Variants in EIF2AK2 observed in about 807,000 individuals in gnomAD.
EIF2AK2 encodes eukaryotic translation initiation factor 2 alpha kinase 2.
Under a neutral mutation model 70.5 loss-of-function variants are expected in EIF2AK2, and 40 were observed. The ratio of observed to expected loss-of-function variants is 0.57; its 90% CI spans 0.44 to 0.74. The LOEUF (loss-of-function observed/expected upper bound fraction) is 0.74, where lower values mean the gene tolerates loss of function less well. Ranked by LOEUF, EIF2AK2 falls within the 30% of genes least tolerant of loss-of-function variation. The pLI, the probability that EIF2AK2 is intolerant of heterozygous loss-of-function variation, is 0.00. For synonymous variants in EIF2AK2, 198 were observed against 220.9 expected (o/e 0.90, Z 0.92); for missense variants, 555 against 644.3 (o/e 0.86, Z 1.50).
In EIF2AK2 at chr2:37,106,510, A is replaced by G. The variant is rs1435628499; in HGVS notation, c.*763T>C. The G allele has an allele frequency of 2.6e-5, 4 of 151,390 alleles. No homozygotes were observed. Among genetic ancestry groups the G allele is most frequent in the East Asian group, 1.9e-4 (1 of 5,158 alleles). The allele number at this position is 151,390 out of a possible 1,614,324, so 9.4% of individuals were successfully genotyped here. A position where few individuals can be genotyped will look rare whatever the true frequency, so the allele number is the denominator to read the frequency against. On this transcript the variant is annotated 3_prime_UTR_variant, in exon 17 of 17. Transcript: ENST00000233057. ...ATAGAATTGATAGCTATGTGGGTAT[A>G]CATGGATTCAACTTTACTAGATAAT...
chr2:37,104,233 ATTG>A lies in EIF2AK2; in HGVS notation c.*3037_*3039del, dbSNP rs1447632970. 3 of 152,060 alleles carry A rather than the reference ATTG, an allele frequency of 2.0e-5. No individual in the cohort carries two copies. The highest frequency in any genetic ancestry group is 7.2e-5 in the African/African-American group (3 of 41,406). The allele number at this position is 152,060 out of a possible 1,614,324, so 9.4% of individuals were successfully genotyped here. ...ACACCTGAGAAAACAGTTATTTGGC[ATTG>A]TTATCTAATATGCAGTCTATATTCA... is the stretch of plus-strand genomic sequence containing the variant. On this transcript the variant is annotated 3_prime_UTR_variant, in exon 17 of 17. Transcript: ENST00000233057.
chr2:37,109,019 A>C (rs1674057070), intron 15 of EIF2AK2, among the ~76,000 whole-genome samples, 175 bp downstream of exon 15: 1 of 152,180 alleles, frequency 6.6e-6, no homozygotes, highest in Non-Finnish European at 1.5e-5. Context: ...GTCTTTAAGA[A>C]AGTGTTTGGT....
At chr2:37,116,586 C>G (rs1200107418) in intron 13 of EIF2AK2, among the ~76,000 whole-genome samples, 1 of 152,192 alleles carries the variant, frequency 6.6e-6, no homozygotes, top group Admixed American at 6.5e-5. Flanking sequence ...GAAGGAGGAG[C>G]TTCCGAGAAG....
chr2:37,128,689 A>G (rs1011342062), intron 10 of EIF2AK2, among the ~76,000 whole-genome samples: 1 of 152,224 alleles, frequency 6.6e-6, no homozygotes, highest in African/African-American at 2.4e-5. Context: ...GAGCATTACC[A>G]TCTTGGACAA....
At chr2:37,112,646 T>C (rs1213635297) in intron 14 of EIF2AK2, among the ~76,000 whole-genome samples, 1 of 152,158 alleles carries the variant, frequency 6.6e-6, no homozygotes, top group Non-Finnish European at 1.5e-5. Context: ...AATAGCATAA[T>C]ATTAAAGAGA....
intron 1 of EIF2AK2, among the ~76,000 whole-genome samples, chr2:37,155,821 G>A (rs1160722579): frequency 6.6e-6 from 1 of 151,808 alleles, no homozygotes; most frequent in Admixed American, 6.6e-5. Context: ...GGCACCTGTA[G>A]TCCCAGCTAC....
intron 2 of EIF2AK2, among the ~76,000 whole-genome samples, chr2:37,148,192 A>G (rs912026642): frequency 6.6e-6 from 1 of 152,044 alleles, no homozygotes; most frequent in Non-Finnish European, 1.5e-5. Context: ...AAGAAAAAAA[A>G]CTCAACTGGT....
At chr2:37,139,891 T>A (rs1445058957) in intron 5 of EIF2AK2, 134 bp from the exon 6 acceptor site, 1 of 952,364 alleles carries the variant, frequency 1.1e-6, no homozygotes, top group African/African-American at 1.7e-5. Flanking sequence ...ATAGTTCATA[T>A]CTTGCATAAT....
intron 2 of EIF2AK2, among the ~76,000 whole-genome samples, chr2:37,148,156 T>C (rs1202325767): frequency 6.6e-6 from 1 of 152,002 alleles, no homozygotes; most frequent in African/African-American, 2.4e-5. Context: ...CATCTCAATT[T>C]TGAAATTGTT....
At position 37,103,921 on chromosome 2, in the gene EIF2AK2, C is replaced by G. The variant is rs547057418; in HGVS notation, c.*3352G>C. On this transcript the variant is annotated 3_prime_UTR_variant, in exon 17 of 17. Transcript: ENST00000233057. ...TGGGAGGCCAAGGCAAGTGAATCAC[C>G]TGAGGTCAGGAGTTCAAAACCAGCT... 1 of 152,126 alleles carries G rather than the reference C, an allele frequency of 6.6e-6. No homozygotes were observed. Among genetic ancestry groups the G allele is most frequent in the Non-Finnish European group, 1.5e-5 (1 of 68,030 alleles). 9.4% of individuals were successfully genotyped at this position (152,126 alleles called of 1,614,324 possible).
rs1020678331 is a variant in EIF2AK2, at chr2:37,119,900, A to G, written c.1248+59T>C. ...AGCCACTGTGCCCAGCTGAGAAGAT[A>G]TATTTTAAAATTACTATATTATATA... is the stretch of plus-strand genomic sequence containing the variant. On this transcript the variant is annotated intron_variant, in intron 13 of 16. Coordinates refer to ENST00000233057, the MANE Select transcript of EIF2AK2 (RefSeq NM_001135651.3). 5.0e-6 allele frequency: 5 copies of G among 994,992 alleles called. No individual in the cohort carries two copies. In the East Asian group the frequency reaches 1.5e-4, roughly 30 times the overall value. The allele number at this position is 994,992 out of a possible 1,614,324, so 61.6% of individuals were successfully genotyped here. A position where few individuals can be genotyped will look rare whatever the true frequency, so the allele number is the denominator to read the frequency against.
At chr2:37,147,902 AGAGG>A (rs1181758565) in intron 2 of EIF2AK2, 80 bp from the exon 3 acceptor site, 8 of 975,364 alleles carry the variant, frequency 8.2e-6, no homozygotes, top group African/African-American at 1.6e-5. Context: ...TTTAGGAGAC[AGAGG>A]GGTTGGGGAG....
intron 14 of EIF2AK2, 50 bp from the exon 15 acceptor site, chr2:37,109,345 T>G (rs758811391): frequency 1.3e-6 from 2 of 1,538,724 alleles, no homozygotes; most frequent in East Asian, 4.5e-5. Context: ...TACATAAATA[T>G]CCAGCCTTCT....
At chr2:37,149,643 A>G (rs1426603428) in intron 1 of EIF2AK2, among the ~76,000 whole-genome samples, 1 of 152,150 alleles carries the variant, frequency 6.6e-6, no homozygotes, top group East Asian at 1.9e-4. Context: ...TGGTAAGGAA[A>G]CTGGTGTTGT....
At chr2:37,133,883 C>T (rs1268525312) in intron 10 of EIF2AK2, among the ~76,000 whole-genome samples, 1 of 152,126 alleles carries the variant, frequency 6.6e-6, no homozygotes, top group Admixed American at 6.5e-5. Flanking sequence ...TTTATTCCTA[C>T]CCAAACTTTT....
At chr2:37,126,739 C>G (rs1041733656) in intron 10 of EIF2AK2, among the ~76,000 whole-genome samples, 3 of 152,034 alleles carry the variant, frequency 2.0e-5, no homozygotes, top group African/African-American at 7.2e-5. Flanking sequence ...GGTGGATCAC[C>G]TGAAGTCAGG....
intron 8 of EIF2AK2, among the ~76,000 whole-genome samples, chr2:37,137,384 T>C (rs1675165087): frequency 6.6e-6 from 1 of 152,244 alleles, no homozygotes; most frequent in Admixed American, 6.5e-5. Context: ...TATAACAGAA[T>C]ACTCTTGTAA....
intron 5 of EIF2AK2, among the ~76,000 whole-genome samples, chr2:37,140,885 CTCTT>C (rs1675307565): frequency 3.0e-5 from 4 of 131,370 alleles, no homozygotes; most frequent in African/African-American, 1.4e-4. Context: ...TTTCTTCTTT[CTCTT>C]TAACTGGTTG....
At chr2:37,122,199 C>G (rs759770461) in intron 12 of EIF2AK2, among the ~76,000 whole-genome samples, 10 of 152,144 alleles carry the variant, frequency 6.6e-5, no homozygotes, top group Non-Finnish European at 1.3e-4. Flanking sequence ...CTTAAACAGC[C>G]TGCGCTGAAG....
Sources: gnomAD v4.1 joint callset for allele counts (sites outside exome capture counted in the v4.1 genomes callset) on GRCh38, gnomAD v4.1.1 for gene constraint, MANE v1.5 for transcripts, NCBI Gene and HGNC (gene_info 2026-07-23, HGNC 2026-07-21) for gene names.